OR56A3: variants seen among roughly 807,000 people sequenced by gnomAD.
The protein encoded by OR56A3 is olfactory receptor family 56 subfamily A member 3.
OR56A3 carries 23 observed loss-of-function variants against 17.5 expected under a neutral mutation model. The observed-to-expected ratio is 1.32, with a 90% CI of 0.95 to 1.87. The LOEUF is 1.87. Among genes scored for constraint, OR56A3 ranks in the 40% most tolerant of loss-of-function variants. OR56A3 has a pLI of 0.00. For missense variants in OR56A3, 366 were observed against 380.1 expected (o/e 0.96, Z 0.31); for synonymous variants, 175 against 150.6 (o/e 1.16, Z -1.19).
At chr11:5,981,426 G>C in the OR56A3 span, among the ~76,000 whole-genome samples, 1 of 152,050 alleles carries the variant, frequency 6.6e-6, no homozygotes, top group Non-Finnish European at 1.5e-5. Context: ...CAAGCTCTGA[G>C]ATTATTTCCT....
In OR56A3 at chr11:5,948,156, G is replaced by T. The variant is rs751646476; in HGVS notation, c.810G>T (p.Lys270Asn). ...TTGTCCTCACACATGTGGCTAAGAA[G>T]AAAGTCTCCCCTGATGTGCCAGTCT... ...LVFVLTHVAK[K>N]KVSPDVPVLL... The change falls in exon 3 of 3, where the codon AAG (lysine) becomes AAT (asparagine). Residue 270 changes from lysine (K) to asparagine (N), a missense_variant. Physicochemically the swap from Lys to Asn is moderately conservative, Grantham distance 94 (BLOSUM62 0). Transcript: ENST00000641160. The T allele has an allele frequency of 2.6e-5, 42 of 1,614,186 alleles. No homozygotes were observed. Among genetic ancestry groups the T allele is most frequent in the Non-Finnish European group, 3.4e-5 (40 of 1,180,020 alleles).
At chr11:5,944,538 GAC>G (rs1388224793) in intron 1 of OR56A3, among the ~76,000 whole-genome samples, 2 of 152,220 alleles carry the variant, frequency 1.3e-5, no homozygotes, top group African/African-American at 4.8e-5. Flanking sequence ...TCACTATGGT[GAC>G]ACAGGGCACA....
chr11:6,018,038 GTGTATATA>G, the OR56A3 span, among the ~76,000 whole-genome samples: 55 of 148,806 alleles, frequency 3.7e-4, no homozygotes, highest in Admixed American at 8.1e-4. Context: ...GTGTGTGTGT[GTGTATATA>G]TATATATATA....
the OR56A3 span, chr11:5,999,598 G>A: frequency 6.6e-6 from 1 of 152,092 alleles, no homozygotes; most frequent in South Asian, 2.1e-4. Context: ...ATTTTGTGCT[G>A]GCTAAAAATA....
chr11:5,994,230 C>A, the OR56A3 span: 1 of 543,440 alleles, frequency 1.8e-6, no homozygotes, highest in South Asian at 1.6e-5. Flanking sequence ...TCAGATTTCT[C>A]ATCCAGTCCA....
At chr11:6,012,217 GA>G in the OR56A3 span, among the ~76,000 whole-genome samples, 1 of 152,224 alleles carries the variant, frequency 6.6e-6, no homozygotes, top group African/African-American at 2.4e-5. Flanking sequence ...GCAAGATGAA[GA>G]GGAGCTTTAT....
the OR56A3 span, among the ~76,000 whole-genome samples, chr11:5,985,498 G>T: frequency 9.2e-5 from 14 of 152,104 alleles, no homozygotes; most frequent in Non-Finnish European, 1.9e-4. Context: ...AGACCCTATT[G>T]GTAAACAGGA....
At chr11:5,987,565 A>G in the OR56A3 span, among the ~76,000 whole-genome samples, 2 of 152,188 alleles carry the variant, frequency 1.3e-5, no homozygotes, top group Non-Finnish European at 2.9e-5. Flanking sequence ...TCCTCAACAT[A>G]TTCAACATTG....
At chr11:5,986,383 G>T in the OR56A3 span, 351,523 of 1,613,624 alleles carry the variant, frequency 0.22, 42,651 homozygotes, top group African/African-American at 0.51. Context: ...GAAGATAAGT[G>T]TTCCCAACAA....
At chr11:5,967,677 G>A in the OR56A3 span, 1,434 of 1,613,768 alleles carry the variant, frequency 8.9e-4, 12 homozygotes, top group African/African-American at 0.017. Context: ...GGGGACATCC[G>A]GAGGAATTCT....
chr11:5,952,730 G>A (rs1847914788), downstream of OR56A3, among the ~76,000 whole-genome samples: 1 of 152,116 alleles, frequency 6.6e-6, no homozygotes, highest in Non-Finnish European at 1.5e-5. Context: ...CTGGACTTTA[G>A]AGTGCCAATG....
At chr11:6,007,859 G>A in the OR56A3 span, among the ~76,000 whole-genome samples, 102,835 of 152,098 alleles carry the variant, frequency 0.68, 35,096 homozygotes, top group East Asian at 0.93. Context: ...TTCTCATGCA[G>A]TGGGAGTATC....
chr11:5,985,760 A>G, the OR56A3 span: 1 of 569,614 alleles, frequency 1.8e-6, no homozygotes, highest in Non-Finnish European at 3.0e-6. Context: ...ACAAATCCAG[A>G]TATCCAGGTA....
At chr11:6,013,992 A>G in the OR56A3 span, among the ~76,000 whole-genome samples, 1 of 152,292 alleles carries the variant, frequency 6.6e-6, no homozygotes. Context: ...CTGGCCCACC[A>G]CTGCCACTAC....
the OR56A3 span, among the ~76,000 whole-genome samples, chr11:5,979,458 T>A: frequency 6.6e-6 from 1 of 152,112 alleles, no homozygotes; most frequent in East Asian, 1.9e-4. Flanking sequence ...GAAGGTCGTA[T>A]GTTCCAGGAA....
the OR56A3 span, among the ~76,000 whole-genome samples, chr11:5,961,304 A>G: frequency 6.6e-6 from 1 of 152,250 alleles, no homozygotes; most frequent in Non-Finnish European, 1.5e-5. Flanking sequence ...GTTTTGTCCA[A>G]TAGAAAAGGG....
the OR56A3 span, among the ~76,000 whole-genome samples, chr11:5,977,167 A>G: frequency 3.9e-5 from 6 of 152,188 alleles, no homozygotes; most frequent in Non-Finnish European, 8.8e-5. Context: ...TAGTGCTCCA[A>G]TGAACATTCA....
At chr11:6,004,466 G>A in the OR56A3 span, among the ~76,000 whole-genome samples, 1 of 152,336 alleles carries the variant, frequency 6.6e-6, no homozygotes, top group South Asian at 2.1e-4. Context: ...GGATTGAGGT[G>A]TGCATGAGAA....
chr11:5,974,894 C>CTA, the OR56A3 span, among the ~76,000 whole-genome samples: 2 of 152,160 alleles, frequency 1.3e-5, no homozygotes, highest in Admixed American at 1.3e-4. Flanking sequence ...ATAGTAAGCA[C>CTA]TATATGAGTT....
Sources: allele counts gnomAD v4.1 joint callset (sites outside exome capture counted in the v4.1 genomes callset), GRCh38; gene constraint gnomAD v4.1.1; transcripts MANE v1.5; gene names NCBI Gene and HGNC (gene_info 2026-07-23, HGNC 2026-07-21).